Variants in PELO observed in about 807,000 individuals in gnomAD.
The protein encoded by PELO is pelota mRNA surveillance and ribosome rescue factor.
PELO carries 19 observed loss-of-function variants against 25.9 expected under a neutral mutation model. That is an observed-to-expected ratio of 0.73 (90% confidence interval 0.51 to 1.08). The LOEUF (loss-of-function observed/expected upper bound fraction) is 1.08, where lower values mean the gene tolerates loss of function less well. Ranked by LOEUF, PELO falls within the 50% of genes least tolerant of loss-of-function variation. The probability of loss-of-function intolerance (pLI) is 0.00; values close to 1 mark genes in which losing one functional copy is unlikely to be tolerated. For synonymous variants in PELO, 196 were observed against 192.2 expected, an observed-to-expected ratio of 1.02 and a Z score of -0.16; for missense variants, 498 against 491.4, an observed-to-expected ratio of 1.01 and a Z score of -0.13.
rs114511828 is a variant in PELO at position 52,800,183 on chromosome 5, A to G, written c.-212A>G. 1.2e-5 allele frequency: 7 copies of G among 585,514 alleles called. No individual in the cohort carries two copies. Among genetic ancestry groups the G allele is most frequent in the Non-Finnish European group, 2.1e-5 (7 of 328,442 alleles). The allele number at this position is 585,514 out of a possible 1,614,324, so 36.3% of individuals were successfully genotyped here. On this transcript the variant is annotated 5_prime_UTR_variant, in exon 2 of 3. Coordinates refer to ENST00000274311, the MANE Select transcript of PELO (RefSeq NM_015946.5). Reference sequence around the variant, plus strand: ...AGTGTTCCCCGAGCCTGTTAGACGCAGCGCGCCGGGAGACTGAGAGAGGAA... The same window carrying G: ...AGTGTTCCCCGAGCCTGTTAGACGCGGCGCGCCGGGAGACTGAGAGAGGAA...
rs779902266 is a variant in PELO at position 52,800,380 on chromosome 5, GC to G, written c.-11del. On this transcript the variant is annotated 5_prime_UTR_variant, in exon 2 of 3. Transcript: ENST00000274311. The stretch of plus-strand genomic sequence containing the variant: ...TTGGTTCCTTTGGTTCTGTCAGTGA[GC>G]CCCTTCCTTGGCCATGAAGCTCGTG... 1.9e-6 allele frequency: 3 copies of G among 1,613,408 alleles called. No individual in the cohort carries two copies. In the Admixed American group the frequency reaches 5.0e-5, roughly 27 times the overall value.
intron 1 of PELO, among the ~76,000 whole-genome samples, chr5:52,796,368 A>G (rs1318328749): frequency 6.6e-6 from 1 of 152,068 alleles, no homozygotes; most frequent in South Asian, 2.1e-4. Flanking sequence ...GAAAATAGAT[A>G]TAATTAAAGT....
At position 52,800,409 on chromosome 5, in the gene PELO, G is replaced by A; in HGVS notation, c.15G>A (p.Arg5=). 6.2e-7 allele frequency: 1 copy of A among 1,613,980 alleles called. No homozygotes were observed. The highest frequency in any genetic ancestry group is 8.5e-7 in the Non-Finnish European group (1 of 1,180,034). The part of the protein sequence containing the change: MKLV[R]KNIEKDNAGQ... ...CTTCCTTGGCCATGAAGCTCGTGAG[G>A]AAGAACATCGAGAAGGACAATGCGG... Residue 5 remains arginine, a synonymous_variant, in exon 2 of 3, where the codon AGG becomes AGA. Transcript: ENST00000274311.
intron 2 of PELO, 87 bp downstream of exon 2, chr5:52,801,207 A>G: frequency 7.5e-7 from 1 of 1,335,524 alleles, no homozygotes; most frequent in South Asian, 1.4e-5. Context: ...GGGAAAAATA[A>G]GAAGAGAAAG....
chr5:52,800,461 C>T lies in PELO; in HGVS notation c.67C>T (p.Pro23Ser). 2 of 1,614,034 alleles carry T rather than the reference C, an allele frequency of 1.2e-6. No homozygotes were observed. The highest frequency in any genetic ancestry group is 1.1e-5 in the South Asian group (1 of 91,084). Residue 23 changes from proline (P) to serine (S), a missense_variant, in exon 2 of 3, where the codon CCT becomes TCT. By Grantham distance (74) the Pro-to-Ser change is moderately conservative (BLOSUM62 -1). Coordinates refer to ENST00000274311, the MANE Select transcript of PELO (RefSeq NM_015946.5). ...CCAGGTGACCCTGGTCCCCGAGGAGCCTGAGGACATGTGGCACACTTACAA... is the reference window on the plus strand; with the variant it reads ...CCAGGTGACCCTGGTCCCCGAGGAGTCTGAGGACATGTGGCACACTTACAA... The part of the protein sequence containing the change: ...AGQVTLVPEE[P>S]EDMWHTYNLV...
chr5:52,801,853 A>G lies in PELO; in HGVS notation c.*13A>G. The G allele has an allele frequency of 6.5e-7, 1 of 1,550,248 alleles. No homozygotes were observed. Among genetic ancestry groups the G allele is most frequent in the Non-Finnish European group, 8.7e-7 (1 of 1,143,652 alleles). Reference sequence around the variant, plus strand: ...TGAAGAGGATTAATGATTGAAACTTAAAATTGAGACAATCTTGTGTTTCCT... The same window carrying G: ...TGAAGAGGATTAATGATTGAAACTTGAAATTGAGACAATCTTGTGTTTCCT... On this transcript the variant is annotated 3_prime_UTR_variant, in exon 3 of 3. Coordinates refer to ENST00000274311, the MANE Select transcript of PELO (RefSeq NM_015946.5).
chr5:52,788,132 T>G lies in PELO; in HGVS notation c.-793T>G. ...CAAGAGCGCGAAGGGGCGGGCGATG[T>G]GGCAATCCGTCTGGGATGTGAAAAG... is the stretch of plus-strand genomic sequence containing the variant. On this transcript the variant is annotated 5_prime_UTR_variant, in exon 1 of 3. Transcript: ENST00000274311. The G allele has an allele frequency of 2.3e-6, 1 of 434,304 alleles. No individual in the cohort carries two copies. Among genetic ancestry groups the G allele is most frequent in the East Asian group, 3.6e-5 (1 of 27,456 alleles). 26.9% of individuals were successfully genotyped at this position (434,304 alleles called of 1,614,324 possible).
chr5:52,792,972 T>G (rs1253701184), intron 1 of PELO, among the ~76,000 whole-genome samples: 2 of 152,152 alleles, frequency 1.3e-5, no homozygotes, highest in Non-Finnish European at 2.9e-5. Context: ...TTATTGAGCT[T>G]CTTTCAGCTC....
chr5:52,789,419 A>T (rs1317969108), intron 1 of PELO, among the ~76,000 whole-genome samples: 1 of 152,206 alleles, frequency 6.6e-6, no homozygotes, highest in Non-Finnish European at 1.5e-5. Context: ...TTTACCACTA[A>T]AAACAGGGTA....
chr5:52,791,059 C>T (rs1748228147), intron 1 of PELO, among the ~76,000 whole-genome samples: 1 of 152,158 alleles, frequency 6.6e-6, no homozygotes, highest in South Asian at 2.1e-4. Context: ...CAATAAACTT[C>T]CTATTTGATT....
chr5:52,801,277 A>G (rs112573303), intron 2 of PELO, 132 bp from the exon 3 acceptor site: 43 of 1,147,314 alleles, frequency 3.7e-5, no homozygotes, highest in African/African-American at 2.3e-4. Flanking sequence ...TTAAATGTCT[A>G]GCAAATTTAT....
At chr5:52,799,339 C>G (rs1000885635) in intron 1 of PELO, among the ~76,000 whole-genome samples, 2 of 152,200 alleles carry the variant, frequency 1.3e-5, no homozygotes, top group Non-Finnish European at 1.5e-5. Flanking sequence ...CTTCCCATAG[C>G]CTCGGCTTTT....
Position 52,800,199 on chromosome 5 carries a change from G to T in PELO, c.-196G>T. The T allele has an allele frequency of 1.7e-6, 1 of 603,488 alleles. No homozygotes were observed. The highest frequency in any genetic ancestry group is 2.9e-6 in the Non-Finnish European group (1 of 341,056). The allele number at this position is 603,488 out of a possible 1,614,324, so 37.4% of individuals were successfully genotyped here. Reference sequence around the variant, plus strand: ...GTTAGACGCAGCGCGCCGGGAGACTGAGAGAGGAAAGGATAGAGGAAGTGC... The same window carrying T: ...GTTAGACGCAGCGCGCCGGGAGACTTAGAGAGGAAAGGATAGAGGAAGTGC... On this transcript the variant is annotated 5_prime_UTR_variant, in exon 2 of 3. Coordinates refer to ENST00000274311, the MANE Select transcript of PELO (RefSeq NM_015946.5).
rs1428852183 is a variant in PELO at position 52,801,865 on chromosome 5, A to G, written c.*25A>G. Reference sequence around the variant, plus strand: ...ATGATTGAAACTTAAAATTGAGACAATCTTGTGTTTCCTAAACTGTTACAG... The same window carrying G: ...ATGATTGAAACTTAAAATTGAGACAGTCTTGTGTTTCCTAAACTGTTACAG... On this transcript the variant is annotated 3_prime_UTR_variant, in exon 3 of 3. Transcript: ENST00000274311. 6.6e-7 allele frequency: 1 copy of G among 1,511,662 alleles called. No individual in the cohort carries two copies. Among genetic ancestry groups the G allele is most frequent in the Non-Finnish European group, 9.0e-7 (1 of 1,115,436 alleles). The allele number at this position is 1,511,662 out of a possible 1,614,324, so 93.6% of individuals were successfully genotyped here.
Position 52,788,305 on chromosome 5 carries a change from C to G in PELO, c.-620C>G. On this transcript the variant is annotated 5_prime_UTR_variant, in exon 1 of 3. Coordinates refer to ENST00000274311, the MANE Select transcript of PELO (RefSeq NM_015946.5). The stretch of plus-strand genomic sequence containing the variant: ...AGAGAGCGCAGCTCCCGCGCCCGGT[C>G]CTGCCCTGCGAACCAGCGCGGCCCC... The G allele has an allele frequency of 6.9e-7, 1 of 1,446,260 alleles. No homozygotes were observed. Among genetic ancestry groups the G allele is most frequent in the Non-Finnish European group, 9.1e-7 (1 of 1,094,028 alleles). The allele number at this position is 1,446,260 out of a possible 1,614,324, so 89.6% of individuals were successfully genotyped here. A position where few individuals can be genotyped will look rare whatever the true frequency, so the allele number is the denominator to read the frequency against.
Position 52,803,413 on chromosome 5 carries a change from C to G in PELO, c.*1573C>G, listed in dbSNP as rs1488543612. On this transcript the variant is annotated 3_prime_UTR_variant, in exon 3 of 3. Transcript: ENST00000274311. ...GCCACTGAGATCCTTAAAGTTGAAA[C>G]CTGATTGTTATTATATTTTCAGTAA... 1.3e-5 allele frequency: 2 copies of G among 151,846 alleles called. No individual in the cohort carries two copies. Among genetic ancestry groups the G allele is most frequent in the Non-Finnish European group, 2.9e-5 (2 of 67,926 alleles). 9.4% of individuals were successfully genotyped at this position (151,846 alleles called of 1,614,324 possible).
chr5:52,797,081 A>C (rs183514042), intron 1 of PELO, among the ~76,000 whole-genome samples: 256 of 152,220 alleles, frequency 1.7e-3, no homozygotes, highest in Non-Finnish European at 2.6e-3. Context: ...ATCCAAAATG[A>C]ATCAAAATAA....
Position 52,801,798 on chromosome 5 carries a change from A to T in PELO, c.1116A>T (p.Glu372Asp), listed in dbSNP as rs565823997. 6.2e-7 allele frequency: 1 copy of T among 1,613,396 alleles called. No homozygotes were observed. Among genetic ancestry groups the T allele is most frequent in the East Asian group, 2.2e-5 (1 of 44,882 alleles). The change falls in exon 3 of 3, where the codon GAA (glutamate) becomes GAT (aspartate). Residue 372 changes from glutamate (E) to aspartate (D), a missense_variant. Transcript: ENST00000274311. The stretch of plus-strand genomic sequence containing the variant: ...CCATTCTCCGCTTCCCTGTTCCCGA[A>T]CTTTCTGACCAAGAGGGTGATTCCA... The part of the protein sequence containing the change: ...VAAILRFPVP[E>D]LSDQEGDSSS...
chr5:52,801,109 A>T lies in PELO; in HGVS notation c.715A>T (p.Lys239Ter). 1 of 1,601,328 alleles carries T rather than the reference A, an allele frequency of 6.2e-7. No individual in the cohort carries two copies. Among genetic ancestry groups the T allele is most frequent in the South Asian group, 1.1e-5 (1 of 89,382 alleles). Residue 239 changes from lysine (K) to a stop codon, truncating the protein, a stop_gained, in exon 2 of 3, where the codon AAA (lysine) becomes TAA (stop). Transcript: ENST00000274311. LOFTEE classifies it high-confidence loss of function. Reference sequence around the variant, plus strand: ...CAAACTGCTCCTGGAAAACCGGTCCAAATTTCTTCAGGTAAAACAATCTTA... The same window carrying T: ...CAAACTGCTCCTGGAAAACCGGTCCTAATTTCTTCAGGTAAAACAATCTTA... ...DNKLLLENRS[K>*]FLQVHASSGH...
Sources: gnomAD v4.1 joint callset for allele counts (sites outside exome capture counted in the v4.1 genomes callset) on GRCh38, gnomAD v4.1.1 for gene constraint, MANE v1.5 for transcripts, NCBI Gene and HGNC (gene_info 2026-07-23, HGNC 2026-07-21) for gene names.